TRAPPC9: variants seen among roughly 807,000 people sequenced by gnomAD.
TRAPPC9 encodes the protein trafficking protein particle complex subunit 9.
TRAPPC9 carries 83 observed loss-of-function variants against 124.0 expected under a neutral mutation model. The observed-to-expected ratio is 0.67, with a 90% CI of 0.56 to 0.80. The LOEUF (loss-of-function observed/expected upper bound fraction) is 0.80, where lower values mean the gene tolerates loss of function less well. Ranked by LOEUF, TRAPPC9 falls within the 30% of genes least tolerant of loss-of-function variation. The pLI, the probability that TRAPPC9 is intolerant of heterozygous loss-of-function variation, is 0.00. For synonymous variants in TRAPPC9, 638 were observed against 617.5 expected, an observed-to-expected ratio of 1.03 and a Z score of -0.49; for missense variants, 1,302 against 1,508.3, an observed-to-expected ratio of 0.86 and a Z score of 2.27.
At chr8:140,157,213 T>TCTTTCTGTGGA (rs1421807667) in intron 17 of TRAPPC9, among the ~76,000 whole-genome samples, 1 of 42,380 alleles carries the variant, frequency 2.4e-5, no homozygotes. Context: ...GCCTCCCTTT[T>TCTTTCTGTGGA]CCATTCAAAA....
At chr8:140,431,376 G>A (rs1180267351) in intron 4 of TRAPPC9, among the ~76,000 whole-genome samples, 1 of 151,866 alleles carries the variant, frequency 6.6e-6, no homozygotes, top group Non-Finnish European at 1.5e-5. Context: ...AGAATTGCTT[G>A]AACCCAGGAG....
At chr8:140,099,190 T>G (rs1234945760) in intron 17 of TRAPPC9, 1 of 148,152 alleles carries the variant, frequency 6.7e-6, no homozygotes, top group East Asian at 2.1e-4. Context: ...TGCGCAGCCT[T>G]CCGCAGGGGA....
intron 17 of TRAPPC9, among the ~76,000 whole-genome samples, chr8:140,205,944 C>T: frequency 6.6e-6 from 1 of 152,222 alleles, no homozygotes; most frequent in East Asian, 1.9e-4. Context: ...AGTCTTATTT[C>T]CAACCCTCAC....
chr8:140,433,490 TGA>T (rs1220648425), intron 4 of TRAPPC9, among the ~76,000 whole-genome samples: 1 of 152,046 alleles, frequency 6.6e-6, no homozygotes, highest in Non-Finnish European at 1.5e-5. Flanking sequence ...CTCGGGAGGC[TGA>T]GGCAGGAGAA....
chr8:139,973,853 G>A (rs888098314), intron 19 of TRAPPC9, among the ~76,000 whole-genome samples: 6 of 152,176 alleles, frequency 3.9e-5, no homozygotes, highest in East Asian at 3.9e-4. Context: ...GTTGAGACAC[G>A]CACCAGGCCC....
chr8:139,795,412 G>A lies in TRAPPC9; in HGVS notation c.3056-63210C>T, dbSNP rs146917197. Among the ~76,000 whole-genome samples the A allele has an allele frequency of 1.3e-3, 197 of 152,258 alleles. 2 individuals carry two copies. The highest frequency in any genetic ancestry group is 1.2e-3 in the South Asian group (6 of 4,818). ...GATCTCAGAACACTGCCTGTGAGAT[G>A]AGTCGGACCAGATGATCCCCAGGGA... On this transcript the variant is annotated intron_variant, in intron 21 of 22. Coordinates refer to ENST00000438773, the MANE Select transcript of TRAPPC9 (RefSeq NM_001160372.4).
intron 4 of TRAPPC9, among the ~76,000 whole-genome samples, chr8:140,434,321 G>A (rs1434995317): frequency 3.9e-5 from 6 of 152,150 alleles, no homozygotes; most frequent in African/African-American, 1.4e-4. Context: ...CATTCATCAA[G>A]GACCAAAACG....
At chr8:140,380,344 G>T (rs190056520) in intron 7 of TRAPPC9, among the ~76,000 whole-genome samples, 3 of 152,284 alleles carry the variant, frequency 2.0e-5, no homozygotes, top group Admixed American at 6.5e-5. Flanking sequence ...TGGACAACTG[G>T]ATATTCATAT....
At position 140,182,056 on chromosome 8, in the gene TRAPPC9, C is replaced by G. The variant is rs1278496399; in HGVS notation, c.2556+39403G>C. ...TTCATGACTCAGTACCAGGGAGCTG[C>G]AGCCTGAACTCCCTTCTTTACATCA... On this transcript the variant is annotated intron_variant, in intron 17 of 22. Coordinates refer to ENST00000438773, the MANE Select transcript of TRAPPC9 (RefSeq NM_001160372.4). This position sits in a 1 kb window ranked among gnomAD's most constrained non-coding sequence, Gnocchi z 4.0. 1.3e-5 allele frequency among the ~76,000 whole-genome samples: 2 copies of G among 152,166 alleles called. No homozygotes were observed. Among genetic ancestry groups the G allele is most frequent in the East Asian group, 1.9e-4 (1 of 5,184 alleles).
rs749034813 is a variant in TRAPPC9 at position 140,405,568 on chromosome 8, T to A, written c.1008+9A>T. On this transcript the variant is annotated intron_variant, in intron 6 of 22. Transcript: ENST00000438773. ...CTGTGTAAAAAAAATCACAAAGCCATAAAATCACCTTGCTGTAATAGGAAA... is the reference window on the plus strand; with the variant it reads ...CTGTGTAAAAAAAATCACAAAGCCAAAAAATCACCTTGCTGTAATAGGAAA... The A allele has an allele frequency of 1.2e-6, 2 of 1,613,910 alleles. No homozygotes were observed. Among genetic ancestry groups the A allele is most frequent in the East Asian group, 4.5e-5 (2 of 44,876 alleles).
chr8:140,310,962 G>A (rs2066280784), intron 10 of TRAPPC9, among the ~76,000 whole-genome samples: 1 of 152,050 alleles, frequency 6.6e-6, no homozygotes, highest in African/African-American at 2.4e-5. Flanking sequence ...CGGTGTAGTG[G>A]TCGCAAGGCA....
At chr8:140,326,613 C>T (rs567593444) in intron 9 of TRAPPC9, among the ~76,000 whole-genome samples, 14 of 152,074 alleles carry the variant, frequency 9.2e-5, no homozygotes, top group South Asian at 2.1e-4. Flanking sequence ...TGATGGCTCA[C>T]GCCTGTAATC....
chr8:140,028,261 C>G (rs556030891), intron 17 of TRAPPC9, among the ~76,000 whole-genome samples: 1 of 152,248 alleles, frequency 6.6e-6, no homozygotes, highest in South Asian at 2.1e-4. Context: ...ATGTTCCCAT[C>G]TGAGAGCATT....
chr8:139,856,110 G>C (rs1369166258), intron 21 of TRAPPC9, among the ~76,000 whole-genome samples: 1 of 152,204 alleles, frequency 6.6e-6, no homozygotes, highest in Non-Finnish European at 1.5e-5. Context: ...CACACAGCCA[G>C]GGACACGGAG....
chr8:140,454,678 C>T (rs1473400433), intron 1 of TRAPPC9, among the ~76,000 whole-genome samples: 2 of 148,572 alleles, frequency 1.3e-5, no homozygotes, highest in Non-Finnish European at 3.0e-5. Context: ...TGACCTCACA[C>T]CTGTGATCTC....
intron 17 of TRAPPC9, among the ~76,000 whole-genome samples, chr8:140,128,269 A>G (rs2061134420): frequency 6.6e-6 from 1 of 152,184 alleles, no homozygotes; most frequent in South Asian, 2.1e-4. Context: ...TTTACTTTGG[A>G]GCAAAGAAAA....
chr8:139,767,578 A>G (rs1820665889), intron 21 of TRAPPC9, among the ~76,000 whole-genome samples: 1 of 152,182 alleles, frequency 6.6e-6, no homozygotes, highest in Admixed American at 6.5e-5. Flanking sequence ...AAGATTCCAG[A>G]TGGAGGGAAC....
chr8:139,844,934 C>A (rs984319595), intron 21 of TRAPPC9, among the ~76,000 whole-genome samples: 1 of 152,172 alleles, frequency 6.6e-6, no homozygotes, highest in Non-Finnish European at 1.5e-5. Flanking sequence ...ATCACCCCGT[C>A]CCCAGGCCTG....
intron 15 of TRAPPC9, chr8:140,262,704 C>T (rs1320518541): frequency 2.1e-5 from 3 of 140,960 alleles, no homozygotes; most frequent in Non-Finnish European, 4.6e-5. Flanking sequence ...GAGCCGTGAG[C>T]TCTCAGGACA....
Sources: allele counts gnomAD v4.1 joint callset (sites outside exome capture counted in the v4.1 genomes callset), GRCh38; gene constraint gnomAD v4.1.1; non-coding constraint Gnocchi (gnomAD v3.1); transcripts MANE v1.5; gene names NCBI Gene and HGNC (gene_info 2026-07-23, HGNC 2026-07-21).